The following TENM1 variants were observed in gnomAD, a reference collection of about 807,000 sequenced individuals.
TENM1 encodes teneurin transmembrane protein 1.
TENM1 carries 35 observed loss-of-function variants against 174.8 expected under a neutral mutation model. The observed-to-expected ratio is 0.20, with a 90% confidence interval of 0.15 to 0.27. TENM1 has a LOEUF of 0.27. TENM1 is among the 10% of genes least tolerant of loss of function. The pLI, the probability that TENM1 is intolerant of heterozygous loss-of-function variation, is 1.00. For synonymous variants in TENM1, 781 were observed against 798.7 expected (o/e 0.98, Z 0.37); for missense variants, 1,633 against 2,130.1 (o/e 0.77, Z 4.59).
intron 5 of TENM1, among the ~76,000 whole-genome samples, chrX:124,690,911 A>G (rs2052504934): frequency 9.4e-6 from 1 of 106,244 alleles, no homozygotes. Flanking sequence ...TCTTTTCTTT[A>G]TAAATTACCT....
the TENM1 span, among the ~76,000 whole-genome samples, chrX:125,173,790 A>C: frequency 8.9e-6 from 1 of 111,745 alleles, no homozygotes; most frequent in African/African-American, 3.2e-5. Context: ...AAAAGTGCTC[A>C]TTGTTGCTGG....
chrX:124,569,596 T>C (rs2049013537), intron 11 of TENM1, among the ~76,000 whole-genome samples: 1 of 112,129 alleles, frequency 8.9e-6, no homozygotes, highest in Non-Finnish European at 1.9e-5. Flanking sequence ...TTGAAATTTG[T>C]AATAGCAGAT....
chrX:125,140,117 C>T, the TENM1 span, among the ~76,000 whole-genome samples: 2 of 111,757 alleles, frequency 1.8e-5, no homozygotes, highest in Non-Finnish European at 3.8e-5. Flanking sequence ...GTTTCTACCA[C>T]TTGTACATGT....
At chrX:124,483,419 C>A (rs1035820938) in intron 21 of TENM1, among the ~76,000 whole-genome samples, 1 of 112,049 alleles carries the variant, frequency 8.9e-6, no homozygotes, top group Non-Finnish European at 1.9e-5. Context: ...ATGTTCATTG[C>A]CCATACCTCT....
the TENM1 span, among the ~76,000 whole-genome samples, chrX:125,060,093 T>A: frequency 4.2e-3 from 451 of 108,479 alleles, 5 homozygotes; most frequent in African/African-American, 0.014. Flanking sequence ...CCAAGCCCCA[T>A]AACTGCGTAA....
chrX:125,186,391 C>A, the TENM1 span, among the ~76,000 whole-genome samples: 1 of 110,812 alleles, frequency 9.0e-6, no homozygotes, highest in Non-Finnish European at 1.9e-5. Flanking sequence ...AATGTGTCTC[C>A]ACTATGGTTT....
chrX:124,526,050 C>T (rs948670934), intron 16 of TENM1, among the ~76,000 whole-genome samples: 3 of 111,784 alleles, frequency 2.7e-5, no homozygotes, highest in African/African-American at 6.5e-5. Context: ...TTCTTATGAT[C>T]GTTCATTTTA....
chrX:124,463,837 GT>G (rs1195307179), intron 22 of TENM1, among the ~76,000 whole-genome samples: 40 of 30,218 alleles, frequency 1.3e-3, no homozygotes, highest in African/African-American at 8.8e-3. Context: ...AGAGGTTGGG[GT>G]GTGTGTGTGT....
At chrX:124,535,284 C>T (rs890150197) in intron 15 of TENM1, among the ~76,000 whole-genome samples, 1 of 111,393 alleles carries the variant, frequency 9.0e-6, no homozygotes, top group Non-Finnish European at 1.9e-5. Flanking sequence ...CATACTCAGC[C>T]AATTAAGGCA....
chrX:125,196,975 T>C, the TENM1 span, among the ~76,000 whole-genome samples: 1 of 111,561 alleles, frequency 9.0e-6, no homozygotes, highest in East Asian at 2.8e-4. Context: ...ATAAACCAAT[T>C]GTCCATCTAA....
chrX:124,901,847 G>A (rs2057669501), intron 1 of TENM1, among the ~76,000 whole-genome samples: 1 of 111,442 alleles, frequency 9.0e-6, no homozygotes, highest in Non-Finnish European at 1.9e-5. Context: ...CTCCAAATAA[G>A]TAATTGGAAG....
chrX:124,664,682 GTGTGTGT>G (rs1569375216), intron 6 of TENM1, among the ~76,000 whole-genome samples: 1 of 31,426 alleles, frequency 3.2e-5, no homozygotes, highest in Non-Finnish European at 6.3e-5. Context: ...CTTGTGGGGT[GTGTGTGT>G]GTGTGTGTGT....
intron 6 of TENM1, among the ~76,000 whole-genome samples, chrX:124,669,992 C>G (rs765885115): frequency 7.1e-5 from 8 of 111,896 alleles, no homozygotes; most frequent in East Asian, 2.8e-4. Context: ...CCACCACTTA[C>G]TAGCTCTGTG....
the TENM1 span, among the ~76,000 whole-genome samples, chrX:125,078,301 A>G: frequency 8.9e-6 from 1 of 111,965 alleles, no homozygotes; most frequent in Non-Finnish European, 1.9e-5. Context: ...AGTTATTTTT[A>G]CCAAGAATTA....
intron 27 of TENM1, among the ~76,000 whole-genome samples, chrX:124,394,569 C>T (rs1240174967): frequency 9.0e-6 from 1 of 111,527 alleles, no homozygotes; most frequent in Non-Finnish European, 1.9e-5. Flanking sequence ...ACCTTTCCCT[C>T]CCACCCCCAA....
chrX:124,551,507 G>A (rs1356813914), intron 14 of TENM1, among the ~76,000 whole-genome samples: 8 of 101,969 alleles, frequency 7.8e-5, no homozygotes, highest in African/African-American at 2.9e-4. Flanking sequence ...CTCATGTTAA[G>A]TGTTCTTAAC....
the TENM1 span, among the ~76,000 whole-genome samples, chrX:125,081,842 A>T: frequency 9.0e-6 from 1 of 111,413 alleles, no homozygotes. Flanking sequence ...TTTTTGCAGC[A>T]ATATGGATGG....
the TENM1 span, among the ~76,000 whole-genome samples, chrX:125,054,136 AT>A: frequency 9.0e-6 from 1 of 110,643 alleles, no homozygotes; most frequent in Non-Finnish European, 1.9e-5. Flanking sequence ...ATCTATAGTG[AT>A]TTTTTTTCTG....
At chrX:124,653,462 C>T (rs1275102268) in intron 7 of TENM1, 122 bp downstream of exon 10, 2 of 509,602 alleles carry the variant, frequency 3.9e-6, no homozygotes, top group African/African-American at 4.8e-5. Context: ...GATATTTATT[C>T]ATGACAAATA....
Sources: gnomAD v4.1 joint callset for allele counts (sites outside exome capture counted in the v4.1 genomes callset) on GRCh38, gnomAD v4.1.1 for gene constraint, MANE v1.5 for transcripts, NCBI Gene and HGNC (gene_info 2026-07-23, HGNC 2026-07-21) for gene names.